NEGR1: variants seen among roughly 807,000 people sequenced by gnomAD.
NEGR1 encodes the protein neuronal growth regulator 1.
NEGR1 carries 10 observed loss-of-function variants against 40.9 expected under a neutral mutation model. The ratio of observed to expected loss-of-function variants is 0.24; its 90% CI spans 0.15 to 0.42. NEGR1 has a LOEUF of 0.42. Ranked by LOEUF, NEGR1 falls within the 10% of genes least tolerant of loss-of-function variation. The pLI, the probability that NEGR1 is intolerant of heterozygous loss-of-function variation, is 1.00. For missense variants in NEGR1, 352 were observed against 438.9 expected (o/e 0.80, Z 1.77); for synonymous variants, 185 against 166.8 (o/e 1.11, Z -0.84).
chr1:71,831,269 AG>A lies in NEGR1; in HGVS notation c.410-54973del, dbSNP rs376502294. ...ATATCACTGTGTTTGGCACTATCAA[AG>A]GATCAAGGTGGGAATACAATGTGGT... is the stretch of plus-strand genomic sequence containing the variant. On this transcript the variant is annotated intron_variant, in intron 2 of 6. Coordinates refer to ENST00000357731, the MANE Select transcript of NEGR1 (RefSeq NM_173808.3). Among the ~76,000 whole-genome samples, 929 of 152,094 alleles carry A rather than the reference AG, an allele frequency of 6.1e-3. 5 individuals carry two copies. Among genetic ancestry groups the A allele is most frequent in the Non-Finnish European group, 0.011 (740 of 67,932 alleles).
intron 1 of NEGR1, among the ~76,000 whole-genome samples, chr1:71,955,721 T>C (rs954812506): frequency 1.2e-4 from 18 of 152,158 alleles, no homozygotes; most frequent in African/African-American, 4.1e-4. Context: ...AGTGGTATCT[T>C]TAAAAATATC....
intron 5 of NEGR1, among the ~76,000 whole-genome samples, chr1:71,602,675 T>G (rs931672954): frequency 1.3e-5 from 2 of 152,246 alleles, no homozygotes; most frequent in African/African-American, 4.8e-5. Flanking sequence ...AATGGGCTCT[T>G]ACTGTGCACT....
chr1:71,552,408 A>G (rs949178221), intron 6 of NEGR1, among the ~76,000 whole-genome samples: 2 of 149,738 alleles, frequency 1.3e-5, no homozygotes, highest in African/African-American at 4.9e-5. Flanking sequence ...CCACAAATTC[A>G]TACTTCCTCC....
chr1:71,980,779 C>T (rs1646347715), intron 1 of NEGR1, among the ~76,000 whole-genome samples: 1 of 152,110 alleles, frequency 6.6e-6, no homozygotes, highest in Non-Finnish European at 1.5e-5. Context: ...ACTTCCTGCC[C>T]TATATGCCTT....
chr1:71,675,124 T>TATATATATATATATATATATATAC (rs1652577473), intron 4 of NEGR1, among the ~76,000 whole-genome samples: 1 of 59,088 alleles, frequency 1.7e-5, no homozygotes, highest in African/African-American at 6.7e-5. Context: ...TATATATATA[T>TATATATATATATATATATATATAC]ATACACACAC....
intron 6 of NEGR1, chr1:71,468,252 C>T (rs753771982): frequency 1.4e-4 from 21 of 151,898 alleles, no homozygotes; most frequent in Non-Finnish European, 2.5e-4. Context: ...CTGTGTCTAA[C>T]TCTAACTATT....
chr1:71,568,260 G>T (rs1056481753), intron 6 of NEGR1, among the ~76,000 whole-genome samples: 1 of 152,102 alleles, frequency 6.6e-6, no homozygotes, highest in Admixed American at 6.6e-5. Flanking sequence ...TGGGGGATAC[G>T]CATTCCATAT....
intron 1 of NEGR1, among the ~76,000 whole-genome samples, chr1:72,074,225 T>C (rs1157232039): frequency 6.6e-6 from 1 of 152,030 alleles, no homozygotes; most frequent in East Asian, 1.9e-4. Context: ...ACTGAAAGGG[T>C]CTGATAAACG....
At chr1:71,739,801 T>C (rs1298513894) in intron 3 of NEGR1, among the ~76,000 whole-genome samples, 1 of 152,184 alleles carries the variant, frequency 6.6e-6, no homozygotes, top group African/African-American at 2.4e-5. Flanking sequence ...CTATTCCCTA[T>C]AGGTTTTGTC....
intron 1 of NEGR1, among the ~76,000 whole-genome samples, chr1:72,179,530 C>A (rs1315654065): frequency 4.5e-4 from 68 of 152,092 alleles, no homozygotes; most frequent in Middle Eastern, 6.8e-3. Context: ...TGTATGTGTC[C>A]AGTAAGTATT....
intron 2 of NEGR1, among the ~76,000 whole-genome samples, chr1:71,814,854 A>G (rs1324414803): frequency 6.6e-6 from 1 of 152,042 alleles, no homozygotes; most frequent in Non-Finnish European, 1.5e-5. Context: ...TTTTCAAAAA[A>G]CTAGCTCCTG....
At chr1:72,251,521 CTT>C in intron 1 of NEGR1, among the ~76,000 whole-genome samples, 1 of 152,228 alleles carries the variant, frequency 6.6e-6, no homozygotes, top group Non-Finnish European at 1.5e-5. Context: ...GCTCAAGTCT[CTT>C]ATATAAAACG....
At chr1:72,049,662 C>A (rs1647039261) in intron 1 of NEGR1, among the ~76,000 whole-genome samples, 2 of 151,520 alleles carry the variant, frequency 1.3e-5, no homozygotes, top group Admixed American at 1.3e-4. Context: ...ACGCATATAA[C>A]CTTAAGCCAG....
chr1:71,803,653 T>C (rs1324045069), intron 2 of NEGR1, among the ~76,000 whole-genome samples: 1 of 152,174 alleles, frequency 6.6e-6, no homozygotes, highest in African/African-American at 2.4e-5. Flanking sequence ...TAATTATTTG[T>C]CCAAATATAA....
chr1:71,767,479 C>G (rs1247262929), intron 3 of NEGR1, among the ~76,000 whole-genome samples: 1 of 152,098 alleles, frequency 6.6e-6, no homozygotes, highest in African/African-American at 2.4e-5. Flanking sequence ...CAAGAAGTAG[C>G]CTGGCTGCTT....
intron 1 of NEGR1, among the ~76,000 whole-genome samples, chr1:71,992,270 T>A (rs557931506): frequency 6.6e-6 from 1 of 152,104 alleles, no homozygotes; most frequent in Non-Finnish European, 1.5e-5. Flanking sequence ...TCAGGGATAA[T>A]TAAAAATAAG....
intron 2 of NEGR1, among the ~76,000 whole-genome samples, chr1:71,795,762 G>A (rs965365152): frequency 3.3e-5 from 5 of 152,102 alleles, no homozygotes; most frequent in Non-Finnish European, 5.9e-5. Flanking sequence ...CAAAAAGCCA[G>A]TTGGGAAAGA....
chr1:72,200,082 T>C (rs556045390), intron 1 of NEGR1, among the ~76,000 whole-genome samples: 1 of 152,090 alleles, frequency 6.6e-6, no homozygotes, highest in Admixed American at 6.6e-5. Context: ...GGTAGGAATG[T>C]AAATTAGTTC....
chr1:71,655,366 A>G (rs1259078472), intron 4 of NEGR1, among the ~76,000 whole-genome samples: 5 of 152,190 alleles, frequency 3.3e-5, no homozygotes, highest in Non-Finnish European at 5.9e-5. Flanking sequence ...AAATGACACC[A>G]TTTATACCTA....
Sources: allele counts gnomAD v4.1 joint callset (sites outside exome capture counted in the v4.1 genomes callset), GRCh38; gene constraint gnomAD v4.1.1; transcripts MANE v1.5; gene names NCBI Gene and HGNC (gene_info 2026-07-23, HGNC 2026-07-21).